Variants in ERCC6L2 observed in about 807,000 individuals in gnomAD.
ERCC6L2 encodes ERCC excision repair 6 like 2.
ERCC6L2 carries 77 observed loss-of-function variants against 132.0 expected under a neutral mutation model. That is an observed-to-expected ratio of 0.58 (90% CI 0.49 to 0.71). ERCC6L2 has a LOEUF of 0.71. Among genes scored for constraint, ERCC6L2 ranks in the 30% least tolerant of loss-of-function variants. ERCC6L2 has a pLI of 0.00. For synonymous variants in ERCC6L2, 583 were observed against 632.4 expected, an observed-to-expected ratio of 0.92 and a Z score of 1.17; for missense variants, 1,542 against 1,837.6, an observed-to-expected ratio of 0.84 and a Z score of 2.94.
At chr9:95,958,931 T>C in intron 13 of ERCC6L2, among the ~76,000 whole-genome samples, 1 of 150,984 alleles carries the variant, frequency 6.6e-6, no homozygotes, top group Admixed American at 6.6e-5. Context: ...AGAATCAATA[T>C]CGTGAAAATG....
At chr9:95,935,449 A>G (rs1830512467) in intron 11 of ERCC6L2, among the ~76,000 whole-genome samples, 1 of 152,190 alleles carries the variant, frequency 6.6e-6, no homozygotes, top group African/African-American at 2.4e-5. Context: ...ACTCTGTGAC[A>G]GGCCCTGGAG....
At chr9:96,034,544 G>T (rs892356218) in intron 19 of ERCC6L2, among the ~76,000 whole-genome samples, 11 of 152,170 alleles carry the variant, frequency 7.2e-5, no homozygotes, top group African/African-American at 2.7e-4. Context: ...TGGGAGAGGC[G>T]GTCTTTGACA....
chr9:96,037,437 G>A (rs1834532601), intron 19 of ERCC6L2, among the ~76,000 whole-genome samples: 1 of 152,220 alleles, frequency 6.6e-6, no homozygotes, highest in Non-Finnish European at 1.5e-5. Context: ...CCCATGTATG[G>A]CCTCTGCCTA....
chr9:96,001,864 G>A (rs907580720), intron 17 of ERCC6L2, among the ~76,000 whole-genome samples: 9 of 152,360 alleles, frequency 5.9e-5, no homozygotes, highest in Admixed American at 2.0e-4. Flanking sequence ...GCCCTGCCCC[G>A]TGGGAAGGCA....
intron 3 of ERCC6L2, among the ~76,000 whole-genome samples, chr9:95,898,833 A>G (rs894970543): frequency 2.0e-5 from 3 of 152,208 alleles, no homozygotes; most frequent in Non-Finnish European, 2.9e-5. Context: ...GACCATTTCA[A>G]TGCAAACTTT....
intron 17 of ERCC6L2, among the ~76,000 whole-genome samples, chr9:95,982,889 A>G (rs1832947623): frequency 6.6e-6 from 1 of 152,142 alleles, no homozygotes; most frequent in African/African-American, 2.4e-5. Context: ...CTATAAACAT[A>G]GAGACCTATT....
At position 95,970,602 on chromosome 9, in the gene ERCC6L2, CA is replaced by C; in HGVS notation, c.2128del (p.Met710Ter). 1 of 1,303,788 alleles carries C rather than the reference CA, an allele frequency of 7.7e-7. No individual in the cohort carries two copies. Among genetic ancestry groups the C allele is most frequent in the Non-Finnish European group, 1.0e-6 (1 of 988,658 alleles). The allele number at this position is 1,303,788 out of a possible 1,614,324, so 80.8% of individuals were successfully genotyped here. On this transcript the variant is annotated frameshift_variant, in exon 15 of 19. Transcript: ENST00000653738. LOFTEE classifies it high-confidence loss of function. The stretch of plus-strand genomic sequence containing the variant: ...GAGAAGGCCAAGTAGAAGCAGGGAT[CA>C]TGACAGCCACAACATGGTTGAAAGA... ...EREGQVEAGI[M>X]TATTWLKEGP...
intron 20 of ERCC6L2, among the ~76,000 whole-genome samples, chr9:96,039,531 C>G (rs1369892915): frequency 1.3e-5 from 2 of 152,014 alleles, no homozygotes; most frequent in African/African-American, 2.4e-5. Flanking sequence ...GTGAAGCCAG[C>G]CAGGGTAGCC....
chr9:95,955,474 C>T (rs955820241), intron 12 of ERCC6L2, among the ~76,000 whole-genome samples: 1 of 148,762 alleles, frequency 6.7e-6, no homozygotes, highest in South Asian at 2.1e-4. Context: ...CCTTCTGCCC[C>T]TTTGTGACCC....
intron 17 of ERCC6L2, among the ~76,000 whole-genome samples, chr9:95,990,651 C>T (rs1833264752): frequency 6.6e-6 from 1 of 152,150 alleles, no homozygotes; most frequent in Admixed American, 6.5e-5. Flanking sequence ...AGTATAGGAA[C>T]AGGAGCGAAC....
intron 19 of ERCC6L2, among the ~76,000 whole-genome samples, chr9:96,031,931 A>G (rs1300099225): frequency 6.6e-6 from 1 of 152,242 alleles, no homozygotes; most frequent in Non-Finnish European, 1.5e-5. Context: ...TAAAAAATTT[A>G]GATCCCACTG....
chr9:95,912,984 G>A (rs991877982), intron 4 of ERCC6L2, among the ~76,000 whole-genome samples: 1 of 152,172 alleles, frequency 6.6e-6, no homozygotes, highest in Non-Finnish European at 1.5e-5. Flanking sequence ...AGTACCTAAT[G>A]TCAGGTTGTT....
chr9:96,003,453 G>C (rs1304187795), intron 17 of ERCC6L2, among the ~76,000 whole-genome samples: 1 of 152,230 alleles, frequency 6.6e-6, no homozygotes, highest in Non-Finnish European at 1.5e-5. Context: ...TTTGTCACCA[G>C]TGATTCTTTC....
intron 3 of ERCC6L2, among the ~76,000 whole-genome samples, chr9:95,899,598 A>G (rs1227731573): frequency 1.1e-4 from 12 of 113,272 alleles, no homozygotes; most frequent in African/African-American, 4.5e-4. Flanking sequence ...CTTTATATAT[A>G]TATGTGTGTG....
intron 3 of ERCC6L2, among the ~76,000 whole-genome samples, chr9:95,900,598 A>G (rs1828723892): frequency 6.6e-6 from 1 of 152,040 alleles, no homozygotes; most frequent in South Asian, 2.1e-4. Flanking sequence ...CTTTTTGACA[A>G]TTCTAGTTTT....
At chr9:95,949,040 A>G (rs911556401) in intron 12 of ERCC6L2, among the ~76,000 whole-genome samples, 9 of 152,030 alleles carry the variant, frequency 5.9e-5, no homozygotes, top group African/African-American at 2.2e-4. Flanking sequence ...TTAAAAAAAG[A>G]AAAAAAGAGA....
At chr9:96,021,399 C>A, downstream of ERCC6L2, 1 of 278,614 alleles carries the variant, frequency 3.6e-6, no homozygotes, top group Non-Finnish European at 6.9e-6. The surrounding 1 kb of genome is among the most constrained non-coding windows in gnomAD (Gnocchi z 4.7). Flanking sequence ...GGGCAGGGAG[C>A]GAGGGGCGGT....
At chr9:95,911,194 C>A (rs1479602991) in intron 4 of ERCC6L2, among the ~76,000 whole-genome samples, 2 of 152,316 alleles carry the variant, frequency 1.3e-5, no homozygotes, top group Non-Finnish European at 2.9e-5. Flanking sequence ...CATGCCTGGC[C>A]AAACCTTAGG....
At chr9:95,944,885 A>T (rs986217821) in intron 12 of ERCC6L2, among the ~76,000 whole-genome samples, 3 of 152,188 alleles carry the variant, frequency 2.0e-5, no homozygotes, top group African/African-American at 7.2e-5. Flanking sequence ...CAGAGATCAC[A>T]TCCTTCACAA....
Sources: allele counts gnomAD v4.1 joint callset (sites outside exome capture counted in the v4.1 genomes callset), GRCh38; gene constraint gnomAD v4.1.1; non-coding constraint Gnocchi (gnomAD v3.1); transcripts MANE v1.5; gene names NCBI Gene and HGNC (gene_info 2026-07-23, HGNC 2026-07-21).